R3HCC1L: variants seen among roughly 807,000 people sequenced by gnomAD.
The protein encoded by R3HCC1L is R3H domain and coiled-coil containing 1 like.
Under a neutral mutation model 59.9 loss-of-function variants are expected in R3HCC1L, and 51 were observed. That is an observed-to-expected ratio of 0.85 (90% confidence interval 0.68 to 1.07). R3HCC1L has a LOEUF of 1.07. R3HCC1L is among the 50% of genes least tolerant of loss of function. The pLI, the probability that R3HCC1L is intolerant of heterozygous loss-of-function variation, is 0.00. For missense variants in R3HCC1L, 965 were observed against 933.0 expected, an observed-to-expected ratio of 1.03 and a Z score of -0.45; for synonymous variants, 322 against 315.2, an observed-to-expected ratio of 1.02 and a Z score of -0.23.
chr10:98,151,193 T>G (rs1265060040), intron 1 of R3HCC1L, among the ~76,000 whole-genome samples: 1 of 152,224 alleles, frequency 6.6e-6, no homozygotes, highest in Non-Finnish European at 1.5e-5. Flanking sequence ...TGAAGCCAGC[T>G]TGCTTCTACG....
intron 5 of R3HCC1L, among the ~76,000 whole-genome samples, chr10:98,221,895 G>GT (rs1855030149): frequency 2.0e-5 from 3 of 152,134 alleles, no homozygotes; most frequent in African/African-American, 7.2e-5. Flanking sequence ...CTTTAAAGTA[G>GT]TTTTTTCCAA....
chr10:98,154,182 C>CAAAAAAAAAAAAAAAAAAAAAAG (rs61379048), intron 1 of R3HCC1L, among the ~76,000 whole-genome samples: 1 of 92,832 alleles, frequency 1.1e-5, no homozygotes, highest in African/African-American at 4.1e-5. Context: ...AGAGAATAAG[C>CAAAAAAAAAAAAAAAAAAAAAAG]AAAAAAAAAA....
At chr10:98,235,095 G>A (rs1425003658) in intron 7 of R3HCC1L, among the ~76,000 whole-genome samples, 3 of 152,130 alleles carry the variant, frequency 2.0e-5, no homozygotes, top group Non-Finnish European at 2.9e-5. Flanking sequence ...GGAGCATCAG[G>A]TCTCTGTCAC....
chr10:98,235,637 G>A (rs1029492465), intron 8 of R3HCC1L, 117 bp downstream of exon 8: 37 of 812,604 alleles, frequency 4.6e-5, no homozygotes, highest in Non-Finnish European at 6.4e-5. Flanking sequence ...AGTGTTAAAA[G>A]AAATATGTTT....
intron 5 of R3HCC1L, among the ~76,000 whole-genome samples, chr10:98,217,227 T>G (rs1460304919): frequency 6.6e-6 from 1 of 152,224 alleles, no homozygotes; most frequent in East Asian, 1.9e-4. Context: ...CTAGCTTCAT[T>G]CTTCTGCATA....
rs1364739680 is a variant in R3HCC1L at position 98,235,447 on chromosome 10, A to G, written c.2055A>G (p.Lys685=). 1 of 1,613,604 alleles carries G rather than the reference A, an allele frequency of 6.2e-7. No individual in the cohort carries two copies. Among genetic ancestry groups the G allele is most frequent in the East Asian group, 2.2e-5 (1 of 44,856 alleles). Residue 685 remains lysine, a synonymous_variant, in exon 8 of 10, where the codon AAA becomes AAG. Coordinates refer to ENST00000298999, the MANE Select transcript of R3HCC1L (RefSeq NM_001351015.2). ...CAGCTCGTGATGCGTTGGGTATTAA[A>G]CACACCATGGTGAAGATTCGTCCCT... ...PITARDALGI[K]HTMVKIRPLS...
At chr10:98,145,692 C>T (rs1212117963) in intron 1 of R3HCC1L, among the ~76,000 whole-genome samples, 1 of 152,196 alleles carries the variant, frequency 6.6e-6, no homozygotes, top group Non-Finnish European at 1.5e-5. Flanking sequence ...TGGCCCACGC[C>T]TGTAATCCCA....
chr10:98,174,473 A>G, intron 4 of R3HCC1L: 1 of 685,880 alleles, frequency 1.5e-6, no homozygotes, highest in Non-Finnish European at 1.8e-6. Flanking sequence ...TATGAAAGAT[A>G]CTATCTGCCC....
intron 1 of R3HCC1L, among the ~76,000 whole-genome samples, chr10:98,151,406 T>G (rs1408412947): frequency 6.6e-6 from 1 of 152,202 alleles, no homozygotes. Context: ...TTTGTAGGAT[T>G]GTTGTGAGGA....
intron 4 of R3HCC1L, among the ~76,000 whole-genome samples, chr10:98,191,043 C>G (rs1299163790): frequency 2.0e-5 from 3 of 152,090 alleles, no homozygotes; most frequent in Admixed American, 1.3e-4. Flanking sequence ...GTCCTTAATC[C>G]AGTTTATCAT....
chr10:98,197,587 G>C (rs1851580086), intron 4 of R3HCC1L, among the ~76,000 whole-genome samples: 5 of 152,120 alleles, frequency 3.3e-5, no homozygotes, highest in Admixed American at 2.6e-4. Flanking sequence ...GATGGGACTT[G>C]GCACACAGTA....
intron 5 of R3HCC1L, among the ~76,000 whole-genome samples, chr10:98,219,025 C>A (rs564289383): frequency 6.6e-6 from 1 of 152,132 alleles, no homozygotes. Context: ...GATTCTTCTG[C>A]GCCAGCTTCC....
At position 98,236,114 on chromosome 10, in the gene R3HCC1L, A is replaced by G. The variant is rs780180100; in HGVS notation, c.2219A>G (p.Gln740Arg). Residue 740 changes from glutamine (Q) to arginine (R), a missense_variant, in exon 9 of 10, where the codon CAG (glutamine) becomes CGG (arginine). Physicochemically the swap from Gln to Arg is conservative, Grantham distance 43. Transcript: ENST00000298999. ...AGTGCCCTTGGGGTTCGAAGTAAGC[A>G]GAGCAAAACCGAACGAGAAGCAGAG... ...VISALGVRSK[Q>R]SKTEREAELK... The G allele has an allele frequency of 6.2e-7, 1 of 1,614,062 alleles. No individual in the cohort carries two copies. Among genetic ancestry groups the G allele is most frequent in the Admixed American group, 1.7e-5 (1 of 59,986 alleles).
intron 4 of R3HCC1L, among the ~76,000 whole-genome samples, chr10:98,193,434 T>C (rs1356017735): frequency 6.6e-6 from 1 of 152,092 alleles, no homozygotes; most frequent in Non-Finnish European, 1.5e-5. Context: ...AGTTGCAGGA[T>C]ACAAAATCAA....
intron 4 of R3HCC1L, among the ~76,000 whole-genome samples, chr10:98,164,910 G>A (rs1847784504): frequency 6.6e-6 from 1 of 152,140 alleles, no homozygotes. Context: ...TAGAAGGTGG[G>A]GTGGAAATAG....
At chr10:98,186,458 T>G in intron 4 of R3HCC1L, 1 of 943,624 alleles carries the variant, frequency 1.1e-6, no homozygotes, top group African/African-American at 1.8e-5. Flanking sequence ...ATTTCCTTGT[T>G]TTTTCCAGAT....
chr10:98,183,828 C>T (rs930818207), intron 4 of R3HCC1L, among the ~76,000 whole-genome samples: 26 of 152,104 alleles, frequency 1.7e-4, no homozygotes, highest in Admixed American at 2.0e-4. Context: ...TACACATCTG[C>T]GTATGCATAT....
chr10:98,222,132 T>G (rs1381264397), intron 5 of R3HCC1L, among the ~76,000 whole-genome samples: 2 of 152,240 alleles, frequency 1.3e-5, no homozygotes, highest in Non-Finnish European at 1.5e-5. Flanking sequence ...TTTTATTCTT[T>G]TTGAAGCAAT....
chr10:98,231,463 A>T, intron 5 of R3HCC1L, 49 bp from the exon 6 acceptor site: 2 of 1,510,138 alleles, frequency 1.3e-6, no homozygotes, highest in Non-Finnish European at 1.8e-6. Flanking sequence ...ATATTTTACA[A>T]TAACCAGGTT....
Sources: allele counts gnomAD v4.1 joint callset (sites outside exome capture counted in the v4.1 genomes callset), GRCh38; gene constraint gnomAD v4.1.1; transcripts MANE v1.5; gene names NCBI Gene and HGNC (gene_info 2026-07-23, HGNC 2026-07-21).